The following RGS7 variants were observed in gnomAD, a reference collection of about 807,000 sequenced individuals.
The protein encoded by RGS7 is regulator of G protein signaling 7, also known as regulator of G-protein signaling 7.
In RGS7, 27 loss-of-function variants were observed where a neutral mutation model predicts 81.1. The observed-to-expected ratio is 0.33, with a 90% confidence interval of 0.25 to 0.46. The LOEUF is 0.46. Ranked by LOEUF, RGS7 falls within the 20% of genes least tolerant of loss-of-function variation. RGS7 has a pLI of 1.00. For synonymous variants in RGS7, 208 were observed against 207.7 expected (o/e 1.00, Z -0.01); for missense variants, 396 against 607.4 (o/e 0.65, Z 3.66).
At chr1:240,991,867 C>T (rs893397648) in intron 3 of RGS7, among the ~76,000 whole-genome samples, 1 of 152,146 alleles carries the variant, frequency 6.6e-6, no homozygotes, top group Non-Finnish European at 1.5e-5. Flanking sequence ...ATCATTCTTG[C>T]CCTCAACACA....
At chr1:241,157,299 T>C (rs1009644544) in intron 2 of RGS7, among the ~76,000 whole-genome samples, 5 of 152,112 alleles carry the variant, frequency 3.3e-5, no homozygotes, top group African/African-American at 1.2e-4. Flanking sequence ...TGCTGGCCAT[T>C]GTCAGCTCCT....
chr1:240,881,286 G>A (rs1422984567), intron 6 of RGS7, among the ~76,000 whole-genome samples: 2 of 151,284 alleles, frequency 1.3e-5, no homozygotes, highest in East Asian at 3.9e-4. Context: ...ACTCATAGGT[G>A]GGAATTGAAC....
At chr1:240,845,889 C>T (rs770486610) in intron 9 of RGS7, among the ~76,000 whole-genome samples, 4 of 152,148 alleles carry the variant, frequency 2.6e-5, no homozygotes, top group Non-Finnish European at 4.4e-5. Flanking sequence ...ACAAGCTTCT[C>T]GATAACTGAC....
Position 241,062,497 on chromosome 1 carries a change from A to G in RGS7, c.175+36169T>C, listed in dbSNP as rs372767531. The stretch of plus-strand genomic sequence containing the variant: ...GGTAAGAGAGACTCAAATTATTTAA[A>G]TCTCTCAATGGAAGTTAATAGTTTT... On this transcript the variant is annotated intron_variant, in intron 3 of 18. Coordinates refer to ENST00000440928, the MANE Select transcript of RGS7 (RefSeq NM_001364886.1). Among the ~76,000 whole-genome samples the G allele has an allele frequency of 3.9e-4, 60 of 152,302 alleles. No individual in the cohort carries two copies. The East Asian group carries it at 8.3e-3, about 21-fold the overall frequency.
At chr1:241,220,972 AG>A (rs879519801) in intron 2 of RGS7, among the ~76,000 whole-genome samples, 13,495 of 101,718 alleles carry the variant, frequency 0.13, 1,473 homozygotes, top group East Asian at 0.42. Context: ...GAAGGAAGGA[AG>A]GAAGGAAGGA....
intron 2 of RGS7, among the ~76,000 whole-genome samples, chr1:241,281,581 T>C (rs1424414186): frequency 1.3e-5 from 2 of 152,212 alleles, no homozygotes; most frequent in Non-Finnish European, 2.9e-5. Flanking sequence ...TTGCTTGATA[T>C]GTACCATAGA....
intron 3 of RGS7, among the ~76,000 whole-genome samples, chr1:241,072,504 T>A (rs1221730341): frequency 6.6e-6 from 1 of 152,126 alleles, no homozygotes; most frequent in Admixed American, 6.5e-5. Flanking sequence ...ATTTTCCCCC[T>A]CGCCCTTCTT....
rs1484436320 is a variant in RGS7 at position 241,342,288 on chromosome 1, A to G, written c.78+13411T>C. Among the ~76,000 whole-genome samples the G allele has an allele frequency of 2.0e-5, 3 of 152,296 alleles. No individual in the cohort carries two copies. The East Asian group carries it at 5.8e-4, about 29-fold the overall frequency. On this transcript the variant is annotated intron_variant, in intron 2 of 18. Coordinates refer to ENST00000440928, the MANE Select transcript of RGS7 (RefSeq NM_001364886.1). ...ACTATAAAGGCAGGAATAGGAAAATATTAGGCCCATCAGCACACCAGCAGC... is the reference window on the plus strand; with the variant it reads ...ACTATAAAGGCAGGAATAGGAAAATGTTAGGCCCATCAGCACACCAGCAGC...
chr1:241,076,550 A>T (rs1485080783), intron 3 of RGS7, among the ~76,000 whole-genome samples: 10 of 152,198 alleles, frequency 6.6e-5, no homozygotes, highest in African/African-American at 2.2e-4. Flanking sequence ...TTAAATTCCC[A>T]GTGATATTAA....
chr1:240,895,826 T>C (rs1392158568), intron 6 of RGS7, among the ~76,000 whole-genome samples: 12 of 152,328 alleles, frequency 7.9e-5, no homozygotes, highest in African/African-American at 2.4e-4. Flanking sequence ...CTGGGTCAAA[T>C]GGTATTTCTA....
intron 2 of RGS7, among the ~76,000 whole-genome samples, chr1:241,301,905 T>A (rs2079784003): frequency 2.0e-5 from 3 of 152,196 alleles, no homozygotes; most frequent in Admixed American, 2.0e-4. Context: ...TAGTAGTTAG[T>A]GCAAATGATA....
At chr1:241,089,521 A>G (rs777403625) in intron 3 of RGS7, among the ~76,000 whole-genome samples, 10 of 152,102 alleles carry the variant, frequency 6.6e-5, no homozygotes, top group African/African-American at 4.8e-5. Context: ...CCCAGAAATC[A>G]TATTTTAACC....
At chr1:240,799,917 T>G (rs1687759261) in intron 18 of RGS7, among the ~76,000 whole-genome samples, 2 of 152,128 alleles carry the variant, frequency 1.3e-5, no homozygotes. Flanking sequence ...TGGTACTATT[T>G]TAAGAGTTTG....
At chr1:241,083,236 A>AAAAAAG (rs1210898068) in intron 3 of RGS7, among the ~76,000 whole-genome samples, 13 of 148,888 alleles carry the variant, frequency 8.7e-5, no homozygotes, top group Admixed American at 2.7e-4. Flanking sequence ...AAAAAAAAAA[A>AAAAAAG]AAAAAGAAAA....
intron 2 of RGS7, among the ~76,000 whole-genome samples, chr1:241,338,176 C>A (rs1377019988): frequency 6.6e-6 from 1 of 152,066 alleles, no homozygotes; most frequent in South Asian, 2.1e-4. Context: ...CTGTTAAAAT[C>A]CAACTCAGGA....
intron 3 of RGS7, among the ~76,000 whole-genome samples, chr1:241,008,995 C>A (rs1446872436): frequency 1.3e-5 from 2 of 150,556 alleles, no homozygotes; most frequent in East Asian, 3.9e-4. Context: ...GCAGCTGTAA[C>A]CTTTGTTTCT....
chr1:241,202,016 ACACACAC>A (rs2073551622), intron 2 of RGS7, among the ~76,000 whole-genome samples: 1 of 85,408 alleles, frequency 1.2e-5, no homozygotes, highest in Admixed American at 1.4e-4. Flanking sequence ...ACACAGACAC[ACACACAC>A]ACACACACAC....
At chr1:241,026,348 G>A (rs2059780930) in intron 3 of RGS7, among the ~76,000 whole-genome samples, 1 of 152,146 alleles carries the variant, frequency 6.6e-6, no homozygotes, top group Non-Finnish European at 1.5e-5. Flanking sequence ...AGAACTTTGG[G>A]AAGCCGAGGC....
chr1:241,148,863 A>G (rs1004464310), intron 2 of RGS7, among the ~76,000 whole-genome samples: 1 of 152,282 alleles, frequency 6.6e-6, no homozygotes, highest in South Asian at 2.1e-4. Flanking sequence ...TGTGTCTAAG[A>G]AAACCAGTAT....
Sources: allele counts gnomAD v4.1 joint callset (sites outside exome capture counted in the v4.1 genomes callset), GRCh38; gene constraint gnomAD v4.1.1; transcripts MANE v1.5; gene names NCBI Gene and HGNC (gene_info 2026-07-23, HGNC 2026-07-21).